The following AKAP13 variants were observed in gnomAD, a reference collection of about 807,000 sequenced individuals.
AKAP13 encodes A-kinase anchor protein 13.
A neutral mutation model predicts 264.5 loss-of-function variants in AKAP13; 80 were observed. That is an observed-to-expected ratio of 0.30 (90% confidence interval 0.25 to 0.36). The LOEUF is 0.36. AKAP13 is among the 10% of genes least tolerant of loss of function. The pLI is 1.00. For synonymous variants in AKAP13, 1,380 were observed against 1,250.2 expected, an observed-to-expected ratio of 1.10 and a Z score of -2.19; for missense variants, 3,712 against 3,435.2, an observed-to-expected ratio of 1.08 and a Z score of -2.01.
At chr15:85,604,480 T>TTG (rs1412196679) in intron 8 of AKAP13, among the ~76,000 whole-genome samples, 46 of 152,068 alleles carry the variant, frequency 3.0e-4, no homozygotes, top group African/African-American at 1.0e-3. Context: ...TTTTTTTTTT[T>TTG]TAAGTTGGAG....
At chr15:85,725,172 A>C (rs2087540939) in intron 26 of AKAP13, among the ~76,000 whole-genome samples, 1 of 152,228 alleles carries the variant, frequency 6.6e-6, no homozygotes. Flanking sequence ...CCAGCGGCAG[A>C]ACGATAGGTT....
intron 18 of AKAP13, among the ~76,000 whole-genome samples, chr15:85,709,225 G>T (rs558152104): frequency 6.6e-6 from 1 of 152,144 alleles, no homozygotes; most frequent in Admixed American, 6.5e-5. Context: ...AGCACTCCCA[G>T]TTTTTCCTTT....
Position 85,727,882 on chromosome 15 carries a change from C to T in AKAP13, c.7087+419C>T, listed in dbSNP as rs990028269. On this transcript the variant is annotated intron_variant, in intron 29 of 36. Coordinates refer to ENST00000394518, the MANE Select transcript of AKAP13 (RefSeq NM_007200.5). This position sits in a 1 kb window ranked among gnomAD's most constrained non-coding sequence, Gnocchi z 5.3. ...CCCAGTCCCTAGCGTTATCACTTAT[C>T]CGCATGTTTACAAATGAGTTGTGAG... is the stretch of plus-strand genomic sequence containing the variant. Among the ~76,000 whole-genome samples the T allele has an allele frequency of 1.3e-5, 2 of 152,218 alleles. No homozygotes were observed. The highest frequency in any genetic ancestry group is 2.4e-5 in the African/African-American group (1 of 41,452).
chr15:85,380,857 C>T (rs2083380702), intron 1 of AKAP13, 59 bp downstream of exon 1: 1 of 149,796 alleles, frequency 6.7e-6, no homozygotes, highest in Non-Finnish European at 1.5e-5. Flanking sequence ...TGGGTCGGGG[C>T]GCGGAGCGCG....
At chr15:85,613,715 A>ATATATATGTATATATATATATATATATAT (rs1421387238) in intron 8 of AKAP13, among the ~76,000 whole-genome samples, 1 of 77,144 alleles carries the variant, frequency 1.3e-5, no homozygotes. Context: ...TATATATATT[A>ATATATATGTATATATATATATATATATAT]GGAGTGCTGA....
At chr15:85,446,384 A>G (rs1318101923) in intron 1 of AKAP13, among the ~76,000 whole-genome samples, 1 of 152,128 alleles carries the variant, frequency 6.6e-6, no homozygotes, top group African/African-American at 2.4e-5. Context: ...AGGAGAAGGA[A>G]ATGGTTTTAT....
At position 85,719,287 on chromosome 15, in the gene AKAP13, C is replaced by G. The variant is rs1482282897; in HGVS notation, c.6213C>G (p.Asn2071Lys). ...CTCTGGTGGATAAAAGTGAAAAGAACTTTCTCATCAAGAGGATAGGGGATG... is the reference window on the plus strand; with the variant it reads ...CTCTGGTGGATAAAAGTGAAAAGAAGTTTCTCATCAAGAGGATAGGGGATG... ...KESLVDKSEK[N>K]FLIKRIGDVL... Residue 2071 changes from asparagine to lysine, a missense_variant, in exon 23 of 37, where the codon AAC (asparagine) becomes AAG (lysine). Asn to Lys is a moderately conservative substitution (Grantham distance 94, BLOSUM62 0). This residue lies in a region of AKAP13 where 342 missense variants were observed against 484.3 expected (regional missense o/e 0.71). Coordinates refer to ENST00000394518, the MANE Select transcript of AKAP13 (RefSeq NM_007200.5). 2 of 1,613,992 alleles carry G rather than the reference C, an allele frequency of 1.2e-6. No individual in the cohort carries two copies. The highest frequency in any genetic ancestry group is 1.1e-5 in the South Asian group (1 of 91,086).
intron 21 of AKAP13, 45 bp from the exon 22 acceptor site, chr15:85,717,962 C>T: frequency 6.3e-7 from 1 of 1,588,180 alleles, no homozygotes; most frequent in Non-Finnish European, 8.6e-7. Flanking sequence ...GCTTATTTTA[C>T]AGGTCACAAA....
intron 19 of AKAP13, among the ~76,000 whole-genome samples, chr15:85,711,873 C>T (rs1417220681): frequency 1.3e-5 from 2 of 152,108 alleles, no homozygotes; most frequent in Non-Finnish European, 2.9e-5. Flanking sequence ...TGCTTTGTCA[C>T]CCAGGCTGGA....
intron 8 of AKAP13, among the ~76,000 whole-genome samples, chr15:85,609,013 G>A (rs1046787254): frequency 5.9e-5 from 9 of 152,036 alleles, no homozygotes; most frequent in Non-Finnish European, 7.4e-5. Flanking sequence ...ATAGTTGTAC[G>A]TATTTATGGA....
chr15:85,736,008 A>G (rs987442112), intron 32 of AKAP13, 82 bp from the exon 33 acceptor site: 4 of 1,130,160 alleles, frequency 3.5e-6, no homozygotes, highest in African/African-American at 3.1e-5. Flanking sequence ...ATGGAAAGCT[A>G]CAGCCTAACA....
At chr15:85,719,009 G>C in intron 22 of AKAP13, 67 bp from the exon 23 acceptor site, 1 of 1,585,576 alleles carries the variant, frequency 6.3e-7, no homozygotes, top group East Asian at 2.2e-5. Flanking sequence ...GACTGCAGCA[G>C]ATGATCTTTG....
At chr15:85,465,264 C>A (rs565145103) in intron 1 of AKAP13, among the ~76,000 whole-genome samples, 1 of 152,084 alleles carries the variant, frequency 6.6e-6, no homozygotes, top group Admixed American at 6.5e-5. Flanking sequence ...GCATTAATTA[C>A]TTTTTAACCT....
intron 30 of AKAP13, 150 bp from the exon 31 acceptor site, chr15:85,734,842 A>G (rs2088322161): frequency 4.0e-6 from 4 of 1,007,572 alleles, no homozygotes; most frequent in Non-Finnish European, 5.7e-6. Flanking sequence ...ACATACCCTG[A>G]GCTGAGACCC....
intron 1 of AKAP13, among the ~76,000 whole-genome samples, chr15:85,413,736 C>T (rs1472622044): frequency 1.3e-5 from 2 of 152,142 alleles, no homozygotes; most frequent in Non-Finnish European, 2.9e-5. Flanking sequence ...GGATTCTTAG[C>T]ACAATAGTTG....
intron 13 of AKAP13, among the ~76,000 whole-genome samples, chr15:85,665,416 C>T (rs1234572965): frequency 2.6e-5 from 4 of 152,156 alleles, no homozygotes; most frequent in Non-Finnish European, 5.9e-5. Flanking sequence ...AAAACATATC[C>T]CAAGTTTCTC....
At chr15:85,400,860 A>G (rs79133742) in intron 1 of AKAP13, among the ~76,000 whole-genome samples, 71 of 80,730 alleles carry the variant, frequency 8.8e-4, no homozygotes, top group South Asian at 2.7e-3. Flanking sequence ...ATATATATGT[A>G]TATATATATA....
chr15:85,481,816 G>T (rs1455054463), intron 1 of AKAP13, among the ~76,000 whole-genome samples: 1 of 152,220 alleles, frequency 6.6e-6, no homozygotes, highest in Non-Finnish European at 1.5e-5. Context: ...CATGAAAGCA[G>T]CCTCAGTGAA....
At chr15:85,399,502 CAAA>C (rs71138392) in intron 1 of AKAP13, among the ~76,000 whole-genome samples, 1,977 of 76,892 alleles carry the variant, frequency 0.026, 76 homozygotes, top group African/African-American at 0.11. Flanking sequence ...GACTCCGTCT[CAAA>C]AAAAAAAAAA....
Sources: gnomAD v4.1 joint callset for allele counts (sites outside exome capture counted in the v4.1 genomes callset) on GRCh38, gnomAD v4.1.1 for gene constraint, gnomAD v4.1.1 regional missense constraint, Gnocchi (gnomAD v3.1) non-coding constraint, MANE v1.5 for transcripts, NCBI Gene and HGNC (gene_info 2026-07-23, HGNC 2026-07-21) for gene names.